Variants in PARD3 observed in about 807,000 individuals in gnomAD.
PARD3 encodes par-3 family cell polarity regulator, also known as partitioning defective 3 homolog.
In PARD3, 75 loss-of-function variants were observed where a neutral mutation model predicts 155.4. The ratio of observed to expected loss-of-function variants is 0.48; its 90% CI spans 0.40 to 0.58. The LOEUF is 0.58. Ranked by LOEUF, PARD3 falls within the 20% of genes least tolerant of loss-of-function variation. The probability of loss-of-function intolerance (pLI) is 0.00; values close to 1 mark genes in which losing one functional copy is unlikely to be tolerated. For missense variants in PARD3, 1,642 were observed against 1,721.7 expected (o/e 0.95, Z 0.82); for synonymous variants, 576 against 610.5 (o/e 0.94, Z 0.83).
Position 34,572,495 on chromosome 10 carries a change from CCAGGTGTGGTGGGTGCGCCTG to C in PARD3, c.223-55357_223-55337del, listed in dbSNP as rs542015675. Among the ~76,000 whole-genome samples the C allele has an allele frequency of 7.7e-3, 1,178 of 152,022 alleles. 16 individuals carry two copies. Among genetic ancestry groups the C allele is most frequent in the African/African-American group, 0.027 (1,129 of 41,444 alleles). ...TCTCTACCAAAAATACAAAAATTAG[CCAGGTGTGGTGGGTGCGCCTG>C]CAGTCCCAGCTACTCAGGAGGCTGA... On this transcript the variant is annotated intron_variant, in intron 2 of 24. Coordinates refer to ENST00000374788, the MANE Select transcript of PARD3 (RefSeq NM_001184785.2).
At chr10:34,184,845 G>C (rs1950417442) in intron 22 of PARD3, among the ~76,000 whole-genome samples, 2 of 152,158 alleles carry the variant, frequency 1.3e-5, no homozygotes, top group Non-Finnish European at 2.9e-5. Flanking sequence ...ATCTTTTGGA[G>C]GAGATAAGAC....
chr10:34,736,874 G>A (rs549980708), intron 1 of PARD3, among the ~76,000 whole-genome samples: 11 of 151,718 alleles, frequency 7.3e-5, no homozygotes, highest in African/African-American at 2.2e-4. Context: ...ACAGGGTTTC[G>A]CCATGTTGGC....
chr10:34,525,531 A>G (rs975263141), intron 2 of PARD3, among the ~76,000 whole-genome samples: 2 of 152,180 alleles, frequency 1.3e-5, no homozygotes, highest in African/African-American at 4.8e-5. Flanking sequence ...ACCTTCCAAC[A>G]TATCTAAGAG....
intron 11 of PARD3, among the ~76,000 whole-genome samples, chr10:34,373,968 C>G (rs1840959513): frequency 6.6e-6 from 1 of 152,064 alleles, no homozygotes; most frequent in Non-Finnish European, 1.5e-5. Flanking sequence ...AACCTTGTCA[C>G]TCTAGATTAT....
At chr10:34,787,940 C>A (rs1312687565) in intron 1 of PARD3, among the ~76,000 whole-genome samples, 1 of 151,684 alleles carries the variant, frequency 6.6e-6, no homozygotes, top group Admixed American at 6.6e-5. Flanking sequence ...AACCACCATG[C>A]CCAGCTAATT....
At chr10:34,386,591 G>A (rs1013356243) in intron 7 of PARD3, among the ~76,000 whole-genome samples, 1 of 152,082 alleles carries the variant, frequency 6.6e-6, no homozygotes, top group African/African-American at 2.4e-5. Flanking sequence ...GGAAGGCTGA[G>A]GCAGGCAGAT....
At chr10:34,364,159 T>C (rs976832052) in intron 12 of PARD3, among the ~76,000 whole-genome samples, 7 of 152,142 alleles carry the variant, frequency 4.6e-5, no homozygotes, top group African/African-American at 1.4e-4. Flanking sequence ...AAATAAGAGT[T>C]GATTGTGTCA....
intron 2 of PARD3, among the ~76,000 whole-genome samples, chr10:34,537,208 G>C (rs1258557339): frequency 6.6e-6 from 1 of 152,106 alleles, no homozygotes; most frequent in Non-Finnish European, 1.5e-5. Flanking sequence ...TCAATGTATT[G>C]CCTAGGCTGA....
chr10:34,112,685 G>A (rs961703388), intron 24 of PARD3, among the ~76,000 whole-genome samples: 8 of 152,162 alleles, frequency 5.3e-5, no homozygotes, highest in African/African-American at 1.9e-4. Flanking sequence ...AAGAAGGTCT[G>A]GGAAGCCACT....
intron 1 of PARD3, among the ~76,000 whole-genome samples, chr10:34,765,997 T>C (rs1838037405): frequency 6.6e-6 from 1 of 152,186 alleles, no homozygotes. Context: ...CCAGACAGCC[T>C]ACCTACAGTC....
intron 1 of PARD3, among the ~76,000 whole-genome samples, chr10:34,711,093 T>G (rs115073083): frequency 6.6e-6 from 1 of 152,038 alleles, no homozygotes; most frequent in Non-Finnish European, 1.5e-5. Context: ...GGAGGATCAC[T>G]TGAGCCCAAA....
At chr10:34,317,040 T>C in intron 20 of PARD3, 67 bp downstream of exon 20, 1 of 1,424,918 alleles carries the variant, frequency 7.0e-7, no homozygotes, top group Non-Finnish European at 9.3e-7. Context: ...CAGTTTTTAG[T>C]ACTTTTTGCT....
chr10:34,331,010 CAGAGATTA>C, intron 19 of PARD3, 99 bp downstream of exon 19: 1 of 756,424 alleles, frequency 1.3e-6, no homozygotes, highest in East Asian at 2.6e-5. Flanking sequence ...TCAGAGATCT[CAGAGATTA>C]CCCTGAAGAA....
chr10:34,531,119 C>T (rs2133798391), intron 2 of PARD3, among the ~76,000 whole-genome samples: 1 of 152,306 alleles, frequency 6.6e-6, no homozygotes, highest in South Asian at 2.1e-4. Context: ...GAGGGCAGTC[C>T]TGACTGCCTC....
rs929792349 is a variant in PARD3 at position 34,395,576 on chromosome 10, G to A, written c.890+3754C>T. Among the ~76,000 whole-genome samples the A allele has an allele frequency of 1.3e-4, 4 of 30,288 alleles. 1 individual carries two copies. Among genetic ancestry groups the A allele is most frequent in the Admixed American group, 5.7e-4 (2 of 3,528 alleles). 19.9% of individuals were successfully genotyped at this position (30,288 alleles called of 152,430 possible). On this transcript the variant is annotated intron_variant, in intron 7 of 24. Coordinates refer to ENST00000374788, the MANE Select transcript of PARD3 (RefSeq NM_001184785.2). ...TCATCGGCCGGGCGCGGTGGCTCACGCCTGTAATCCCAGCACTTTGGGAGG... is the reference window on the plus strand; with the variant it reads ...TCATCGGCCGGGCGCGGTGGCTCACACCTGTAATCCCAGCACTTTGGGAGG...
intron 22 of PARD3, among the ~76,000 whole-genome samples, chr10:34,152,577 G>A (rs748155294): frequency 5.9e-5 from 9 of 152,220 alleles, no homozygotes; most frequent in African/African-American, 9.6e-5. Context: ...GCACAGAACT[G>A]TATTCCAAAA....
chr10:34,709,087 T>C (rs2094412090), intron 1 of PARD3, among the ~76,000 whole-genome samples: 4 of 152,160 alleles, frequency 2.6e-5, no homozygotes. Context: ...CCAAAATGCT[T>C]GGGACCAAAA....
intron 22 of PARD3, among the ~76,000 whole-genome samples, chr10:34,185,802 T>A (rs922218742): frequency 2.1e-5 from 3 of 143,148 alleles, no homozygotes; most frequent in African/African-American, 5.1e-5. Flanking sequence ...CTGAACACAG[T>A]AACATCTTCT....
At chr10:34,531,327 G>A (rs1680275867) in intron 2 of PARD3, among the ~76,000 whole-genome samples, 1 of 152,188 alleles carries the variant, frequency 6.6e-6, no homozygotes, top group African/African-American at 2.4e-5. Flanking sequence ...GTTGGCAGAA[G>A]TTATTAATAC....
Sources: allele counts gnomAD v4.1 joint callset (sites outside exome capture counted in the v4.1 genomes callset), GRCh38; gene constraint gnomAD v4.1.1; transcripts MANE v1.5; gene names NCBI Gene and HGNC (gene_info 2026-07-23, HGNC 2026-07-21).